The following LPCAT3 variants were observed in gnomAD, a reference collection of about 807,000 sequenced individuals.
The protein encoded by LPCAT3 is lysophospholipid acyltransferase 5.
Under a neutral mutation model 63.4 loss-of-function variants are expected in LPCAT3, and 21 were observed. The observed-to-expected ratio is 0.33, with a 90% CI of 0.23 to 0.48. LPCAT3 has a LOEUF of 0.48. Among genes scored for constraint, LPCAT3 ranks in the 20% least tolerant of loss-of-function variants. The pLI, the probability that LPCAT3 is intolerant of heterozygous loss-of-function variation, is 0.99. For missense variants in LPCAT3, 451 were observed against 590.6 expected, an observed-to-expected ratio of 0.76 and a Z score of 2.45; for synonymous variants, 242 against 227.5, an observed-to-expected ratio of 1.06 and a Z score of -0.58.
At chr12:6,984,219 T>TA (rs1222067078) in intron 1 of LPCAT3, among the ~76,000 whole-genome samples, 1 of 152,190 alleles carries the variant, frequency 6.6e-6, no homozygotes, top group Non-Finnish European at 1.5e-5. Flanking sequence ...TTAAGTATAC[T>TA]AAAAAAATGT....
chr12:6,989,512 G>A (rs929193886), intron 1 of LPCAT3, among the ~76,000 whole-genome samples: 33 of 151,776 alleles, frequency 2.2e-4, no homozygotes, highest in African/African-American at 7.5e-4. Context: ...GGGTTTCACC[G>A]TGGTCTCGAT....
chr12:7,015,039 C>T (rs1316406298), intron 1 of LPCAT3, among the ~76,000 whole-genome samples: 2 of 151,974 alleles, frequency 1.3e-5, no homozygotes, highest in African/African-American at 4.8e-5. Context: ...TACGTGTATA[C>T]ACATACAAGT....
intron 3 of LPCAT3, among the ~76,000 whole-genome samples, chr12:6,982,151 G>A (rs1256452742): frequency 2.6e-5 from 4 of 152,052 alleles, no homozygotes; most frequent in East Asian, 1.9e-4. Context: ...CACCCCACCC[G>A]GCTAATTTTT....
intron 1 of LPCAT3, among the ~76,000 whole-genome samples, chr12:6,994,273 T>C (rs1399905549): frequency 1.3e-5 from 2 of 152,202 alleles, no homozygotes; most frequent in African/African-American, 4.8e-5. Flanking sequence ...AGTGGCATGA[T>C]CTTGGCTCAC....
intron 7 of LPCAT3, 61 bp from the exon 8 acceptor site, chr12:6,978,750 A>T: frequency 6.3e-7 from 1 of 1,593,772 alleles, no homozygotes; most frequent in Non-Finnish European, 8.6e-7. Flanking sequence ...TTCTCTCAGC[A>T]CTCTTCCTTT....
In LPCAT3 at chr12:6,978,389, G is replaced by T. The variant is rs200922476; in HGVS notation, c.992C>A (p.Thr331Asn). 1 of 1,613,926 alleles carries T rather than the reference G, an allele frequency of 6.2e-7. No individual in the cohort carries two copies. Among genetic ancestry groups the T allele is most frequent in the Non-Finnish European group, 8.5e-7 (1 of 1,179,952 alleles). Residue 331 changes from threonine (T) to asparagine (N), a missense_variant, in exon 9 of 13, where the codon ACT becomes AAT. Coordinates refer to ENST00000261407, the MANE Select transcript of LPCAT3 (RefSeq NM_005768.6). ...GATGTTGAATGAGGCAATGGTGCCA[G>T]TGAAGCGGGGGTTTGTTTCAAAGAG... ...VWLFETNPRF[T>N]GTIASFNINT...
At chr12:7,001,549 C>T (rs1174115856) in intron 1 of LPCAT3, 1 of 455,532 alleles carries the variant, frequency 2.2e-6, no homozygotes, top group Admixed American at 2.4e-5. Flanking sequence ...TTATTTGGCG[C>T]GGTGTTGGTG....
chr12:6,978,211 G>T (rs2138327941), intron 9 of LPCAT3, 130 bp downstream of exon 9: 1 of 1,106,130 alleles, frequency 9.0e-7, no homozygotes, highest in Non-Finnish European at 1.3e-6. Flanking sequence ...GTCAAAGTCA[G>T]TGTGAGCGAC....
intron 1 of LPCAT3, among the ~76,000 whole-genome samples, chr12:6,997,694 C>A (rs974856058): frequency 6.6e-6 from 1 of 151,556 alleles, no homozygotes; most frequent in African/African-American, 2.4e-5. Context: ...TCAAGTGATT[C>A]TCCTGCCTCA....
intron 1 of LPCAT3, among the ~76,000 whole-genome samples, chr12:6,999,395 G>C (rs781973448): frequency 1.3e-5 from 2 of 152,282 alleles, no homozygotes; most frequent in African/African-American, 2.4e-5. Context: ...TGTTACCTGT[G>C]AGAAAGAAAG....
chr12:7,014,203 T>A (rs143435759), intron 1 of LPCAT3, among the ~76,000 whole-genome samples: 7 of 152,334 alleles, frequency 4.6e-5, no homozygotes, highest in African/African-American at 1.7e-4. Context: ...TCAGGCCCAT[T>A]TCCTATACCC....
chr12:7,016,966 A>T (rs1019366753), intron 1 of LPCAT3, among the ~76,000 whole-genome samples: 4 of 152,260 alleles, frequency 2.6e-5, no homozygotes, highest in Admixed American at 6.5e-5. Flanking sequence ...CAATGCTATT[A>T]GGCAAGGTTG....
At chr12:6,997,606 G>C (rs1377554292) in intron 1 of LPCAT3, among the ~76,000 whole-genome samples, 1 of 140,260 alleles carries the variant, frequency 7.1e-6, no homozygotes, top group African/African-American at 2.7e-5. Context: ...TTTTTTTTGA[G>C]ATGGAGTTTC....
At chr12:6,996,368 C>T (rs1283125477) in intron 1 of LPCAT3, among the ~76,000 whole-genome samples, 1 of 152,200 alleles carries the variant, frequency 6.6e-6, no homozygotes, top group Non-Finnish European at 1.5e-5. Flanking sequence ...CTACCCCTCC[C>T]CACCCTGTAA....
intron 1 of LPCAT3, among the ~76,000 whole-genome samples, chr12:7,004,930 C>A (rs1946715984): frequency 6.6e-6 from 1 of 152,102 alleles, no homozygotes; most frequent in Admixed American, 6.5e-5. Context: ...TTTCTTTGAT[C>A]ATGCATAGTC....
chr12:6,998,120 A>G (rs1449145810), intron 1 of LPCAT3, among the ~76,000 whole-genome samples: 1 of 152,166 alleles, frequency 6.6e-6, no homozygotes, highest in Non-Finnish European at 1.5e-5. Flanking sequence ...GGCTCAAGTG[A>G]TCTTCCGACC....
chr12:7,010,649 C>G (rs1298211499), intron 1 of LPCAT3, among the ~76,000 whole-genome samples: 1 of 152,182 alleles, frequency 6.6e-6, no homozygotes, highest in Admixed American at 6.5e-5. Flanking sequence ...GCTGCCCAGA[C>G]ATGCTTTCAT....
chr12:7,007,927 C>A (rs1453652679), intron 1 of LPCAT3, among the ~76,000 whole-genome samples: 3 of 152,216 alleles, frequency 2.0e-5, no homozygotes, highest in Non-Finnish European at 4.4e-5. Flanking sequence ...TACTCTCTGA[C>A]AAACTGTCCC....
At chr12:7,006,170 C>T (rs782281506) in intron 1 of LPCAT3, among the ~76,000 whole-genome samples, 30 of 152,294 alleles carry the variant, frequency 2.0e-4, no homozygotes, top group African/African-American at 5.3e-4. Context: ...CGCTGGCCTA[C>T]GGCAGGCACT....
Sources: allele counts gnomAD v4.1 joint callset (sites outside exome capture counted in the v4.1 genomes callset), GRCh38; gene constraint gnomAD v4.1.1; transcripts MANE v1.5; gene names NCBI Gene and HGNC (gene_info 2026-07-23, HGNC 2026-07-21).